The following CDH13 variants were observed in gnomAD, a reference collection of about 807,000 sequenced individuals.
The protein encoded by CDH13 is cadherin-13.
In CDH13, 24 loss-of-function variants were observed where a neutral mutation model predicts 63.8. That is an observed-to-expected ratio of 0.38 (90% CI 0.27 to 0.53). The LOEUF (loss-of-function observed/expected upper bound fraction) is 0.53, where lower values mean the gene tolerates loss of function less well. Ranked by LOEUF, CDH13 falls within the 20% of genes least tolerant of loss-of-function variation. The probability of loss-of-function intolerance (pLI) is 0.85; values close to 1 mark genes in which losing one functional copy is unlikely to be tolerated. For synonymous variants in CDH13, 503 were observed against 355.3 expected, an observed-to-expected ratio of 1.42 and a Z score of -4.67; for missense variants, 1,049 against 903.1, an observed-to-expected ratio of 1.16 and a Z score of -2.07.
At chr16:82,676,194 C>T (rs1489956561) in intron 1 of CDH13, among the ~76,000 whole-genome samples, 1 of 152,152 alleles carries the variant, frequency 6.6e-6, no homozygotes, top group Non-Finnish European at 1.5e-5. Flanking sequence ...TCGGTTTAGT[C>T]ATCTTGGTGC....
intron 1 of CDH13, among the ~76,000 whole-genome samples, chr16:82,753,929 AAGT>A (rs2034517570): frequency 6.6e-6 from 1 of 152,220 alleles, no homozygotes; most frequent in African/African-American, 2.4e-5. Flanking sequence ...TTCTTCTCTG[AAGT>A]AGTCATCCAC....
At chr16:83,057,726 A>G (rs1319871063) in intron 3 of CDH13, among the ~76,000 whole-genome samples, 1 of 152,130 alleles carries the variant, frequency 6.6e-6, no homozygotes, top group Non-Finnish European at 1.5e-5. Flanking sequence ...TATTCTTAAG[A>G]CTTGACAATA....
chr16:83,196,996 T>C (rs1176267583), intron 4 of CDH13, among the ~76,000 whole-genome samples: 1 of 152,198 alleles, frequency 6.6e-6, no homozygotes, highest in Non-Finnish European at 1.5e-5. Flanking sequence ...CAAATGTTCA[T>C]AGCAGCTTGA....
chr16:83,787,879 G>T (rs865941132), intron 13 of CDH13, among the ~76,000 whole-genome samples: 2 of 151,894 alleles, frequency 1.3e-5, no homozygotes, highest in African/African-American at 2.4e-5. Flanking sequence ...CCAGGCAGAG[G>T]TTGCAGTGAG....
At chr16:82,989,434 G>A (rs1248815220) in intron 2 of CDH13, among the ~76,000 whole-genome samples, 1 of 152,202 alleles carries the variant, frequency 6.6e-6, no homozygotes. Context: ...AGATGAAGAA[G>A]CCACATGTCC....
chr16:83,488,707 C>T (rs1052693977), intron 7 of CDH13, among the ~76,000 whole-genome samples: 1 of 152,062 alleles, frequency 6.6e-6, no homozygotes, highest in African/African-American at 2.4e-5. Context: ...TCACTGCAAC[C>T]TCCACTTCCC....
chr16:83,743,464 G>C (rs968222479), intron 10 of CDH13, among the ~76,000 whole-genome samples: 1 of 152,082 alleles, frequency 6.6e-6, no homozygotes, highest in Non-Finnish European at 1.5e-5. Flanking sequence ...CTGCTTCTTT[G>C]ACAAGAAACA....
intron 4 of CDH13, among the ~76,000 whole-genome samples, chr16:83,186,808 C>T (rs552897414): frequency 6.6e-6 from 1 of 152,242 alleles, no homozygotes; most frequent in East Asian, 1.9e-4. Flanking sequence ...AACTCTTTCT[C>T]ATGTGGAGGA....
At chr16:83,724,896 G>C (rs1910197951) in intron 10 of CDH13, among the ~76,000 whole-genome samples, 1 of 152,154 alleles carries the variant, frequency 6.6e-6, no homozygotes, top group African/African-American at 2.4e-5. Flanking sequence ...CTTTCTTCCA[G>C]CTGCAGGATC....
chr16:82,995,344 G>T (rs929708390), intron 2 of CDH13, among the ~76,000 whole-genome samples: 2 of 152,198 alleles, frequency 1.3e-5, no homozygotes, highest in Non-Finnish European at 2.9e-5. Context: ...ATGGAACTGG[G>T]TGATGGCCAC....
At chr16:83,011,560 C>T (rs992675331) in intron 2 of CDH13, among the ~76,000 whole-genome samples, 1 of 152,152 alleles carries the variant, frequency 6.6e-6, no homozygotes, top group Non-Finnish European at 1.5e-5. Flanking sequence ...CCATCTGAGT[C>T]AACCGGGCGG....
chr16:83,636,585 C>A (rs1462382997), intron 8 of CDH13, among the ~76,000 whole-genome samples: 1 of 152,196 alleles, frequency 6.6e-6, no homozygotes, highest in African/African-American at 2.4e-5. Flanking sequence ...CAGCTCCATT[C>A]ATGGTGCTGC....
intron 2 of CDH13, among the ~76,000 whole-genome samples, chr16:83,031,294 C>T (rs1432430993): frequency 1.4e-5 from 2 of 142,670 alleles, no homozygotes; most frequent in Non-Finnish European, 3.1e-5. Context: ...TATACATGCG[C>T]ATGTATCCAT....
At chr16:83,031,209 A>G (rs1176360619) in intron 2 of CDH13, among the ~76,000 whole-genome samples, 27 of 146,396 alleles carry the variant, frequency 1.8e-4, no homozygotes, top group African/African-American at 6.8e-4. Context: ...GCGCATGTAT[A>G]CACCATATAC....
intron 3 of CDH13, among the ~76,000 whole-genome samples, chr16:83,052,622 A>C (rs1288560200): frequency 3.3e-5 from 5 of 152,052 alleles, no homozygotes; most frequent in Non-Finnish European, 7.4e-5. Flanking sequence ...TCTACTAAAA[A>C]TACAAAAATT....
chr16:83,233,153 A>G (rs1449645070), intron 5 of CDH13, among the ~76,000 whole-genome samples: 6 of 152,200 alleles, frequency 3.9e-5, no homozygotes, highest in Non-Finnish European at 5.9e-5. Context: ...TTTTCAGGAA[A>G]GGGAAAATGT....
intron 2 of CDH13, among the ~76,000 whole-genome samples, chr16:82,927,107 C>A (rs2042328250): frequency 6.6e-6 from 1 of 152,066 alleles, no homozygotes; most frequent in Admixed American, 6.5e-5. Flanking sequence ...CCACAGTATC[C>A]ACACATGGCC....
chr16:83,540,626 C>A (rs909138022), intron 7 of CDH13, among the ~76,000 whole-genome samples: 1 of 152,192 alleles, frequency 6.6e-6, no homozygotes. Flanking sequence ...CGTAATGACA[C>A]TCTCAAGTAG....
intron 7 of CDH13, among the ~76,000 whole-genome samples, chr16:83,560,903 C>CG (rs1555573411): frequency 6.6e-6 from 1 of 151,926 alleles, no homozygotes; most frequent in African/African-American, 2.4e-5. Context: ...AGGTTGGCCC[C>CG]CCCCCCGCCC....
Sources: gnomAD v4.1 joint callset for allele counts (sites outside exome capture counted in the v4.1 genomes callset) on GRCh38, gnomAD v4.1.1 for gene constraint, MANE v1.5 for transcripts, NCBI Gene and HGNC (gene_info 2026-07-23, HGNC 2026-07-21) for gene names.